NXPE1: variants seen among roughly 807,000 people sequenced by gnomAD.
NXPE1 encodes neurexophilin and PC-esterase domain family member 1, also known as NXPE family member 1.
Under a neutral mutation model 33.3 loss-of-function variants are expected in NXPE1, and 31 were observed. The observed-to-expected ratio is 0.93, with a 90% CI of 0.70 to 1.26. The LOEUF is 1.26. NXPE1 is among the 50% of genes most tolerant of loss of function. The pLI, the probability that NXPE1 is intolerant of heterozygous loss-of-function variation, is 0.00. For synonymous variants in NXPE1, 229 were observed against 231.4 expected, an observed-to-expected ratio of 0.99 and a Z score of 0.09; for missense variants, 661 against 655.6, an observed-to-expected ratio of 1.01 and a Z score of -0.09.
rs780369388 is a variant in NXPE1 at position 114,530,607 on chromosome 11, T to C, written c.401A>G (p.Tyr134Cys). 9.3e-6 allele frequency: 15 copies of C among 1,614,124 alleles called. No individual in the cohort carries two copies. The East Asian group carries it at 3.3e-4, about 36-fold the overall frequency. The change falls in exon 6 of 9, where the codon TAT (tyrosine) becomes TGT (cysteine). Residue 134 changes from tyrosine to cysteine, a missense_variant. Coordinates refer to ENST00000534921, the Ensembl canonical transcript of NXPE1. ...CCTGGCCCTCAGGAAATCCCCACCA[T>C]ATTGCTTCCTCTGTCCCAAGTGGTC...
At chr11:114,540,759 AG>A (rs1358736804) in intron 5 of NXPE1, among the ~76,000 whole-genome samples, 1 of 143,740 alleles carries the variant, frequency 7.0e-6, no homozygotes, top group African/African-American at 2.5e-5. Context: ...CATTAAGAGG[AG>A]GTAAGTTTCC....
chr11:114,538,842 T>C lies in NXPE1; in HGVS notation c.100-7934A>G, dbSNP rs542709480. On this transcript the variant is annotated intron_variant, in intron 5 of 8. Transcript: ENST00000534921. ...CACTTTTACATTGTTGGTGGGACTGTAAACTAGTTCAACCATTGTGGAAGT... is the reference window on the plus strand; with the variant it reads ...CACTTTTACATTGTTGGTGGGACTGCAAACTAGTTCAACCATTGTGGAAGT... 9.7e-3 allele frequency among the ~76,000 whole-genome samples: 1,476 copies of C among 152,236 alleles called. 28 individuals are homozygous for C. The highest frequency in any genetic ancestry group is 0.034 in the African/African-American group (1,400 of 41,524).
At chr11:114,546,371 A>G (rs1442789690) in intron 5 of NXPE1, among the ~76,000 whole-genome samples, 2 of 152,178 alleles carry the variant, frequency 1.3e-5, no homozygotes, top group Non-Finnish European at 2.9e-5. Context: ...GTATGAGCCC[A>G]TGTTTAGCTT....
At chr11:114,554,227 C>G (rs1483664425) in intron 1 of NXPE1, 12 of 978,400 alleles carry the variant, frequency 1.2e-5, no homozygotes, top group Non-Finnish European at 1.5e-5. Flanking sequence ...AGCCGAGATA[C>G]ACAACCTTTC....
At position 114,535,038 on chromosome 11, in the gene NXPE1, C is replaced by T. The variant is rs1947748312; in HGVS notation, c.100-4130G>A. Among the ~76,000 whole-genome samples the T allele has an allele frequency of 2.0e-5, 3 of 152,254 alleles. No individual in the cohort carries two copies. In the South Asian group the frequency reaches 6.2e-4, roughly 32 times the overall value. On this transcript the variant is annotated intron_variant, in intron 5 of 8. Coordinates refer to ENST00000534921, the Ensembl canonical transcript of NXPE1. ...GTTAAGGGCAGCCAGAGAGAAAGGT[C>T]GGGTTACCCACAAAGGGAAGCCCAT...
At chr11:114,539,650 G>C (rs1196951741) in intron 5 of NXPE1, among the ~76,000 whole-genome samples, 1 of 152,030 alleles carries the variant, frequency 6.6e-6, no homozygotes, top group Non-Finnish European at 1.5e-5. Flanking sequence ...GATGGAATCT[G>C]ATTAACTAAT....
At chr11:114,519,396 G>A (rs1947155993), downstream of NXPE1, among the ~76,000 whole-genome samples, 5 of 151,996 alleles carry the variant, frequency 3.3e-5, no homozygotes, top group Admixed American at 3.3e-4. Flanking sequence ...CTAAAGAGAT[G>A]GTAAATGTTT....
At chr11:114,536,933 A>G (rs1038858777) in intron 5 of NXPE1, among the ~76,000 whole-genome samples, 144 of 152,316 alleles carry the variant, frequency 9.5e-4, no homozygotes, top group African/African-American at 3.2e-3. Flanking sequence ...CATTTTATGA[A>G]GCCAGCATCA....
chr11:114,530,798 T>A (rs1327919170), exon 6 of NXPE1: 1 of 1,614,220 alleles, frequency 6.2e-7, no homozygotes, highest in Admixed American at 1.7e-5. Context: ...TTATTCTGAG[T>A]TCAGTCTCTG....
intron 5 of NXPE1, among the ~76,000 whole-genome samples, chr11:114,531,236 AATAT>A (rs1372391636): frequency 6.6e-6 from 1 of 152,188 alleles, no homozygotes; most frequent in Non-Finnish European, 1.5e-5. Context: ...TTCAATCCAA[AATAT>A]ATAGCTCAGA....
At chr11:114,557,674 A>AT (rs1565320805) in intron 1 of NXPE1, among the ~76,000 whole-genome samples, 16 of 129,372 alleles carry the variant, frequency 1.2e-4, no homozygotes, top group African/African-American at 4.2e-4. Context: ...TATATATATA[A>AT]AATCCTTGTT....
In NXPE1 at chr11:114,551,224, A is replaced by T. The variant is rs1440975955; in HGVS notation, c.-10-13T>A. The T allele has an allele frequency of 4.7e-6, 7 of 1,485,900 alleles. No individual in the cohort carries two copies. Among genetic ancestry groups the T allele is most frequent in the Non-Finnish European group, 6.4e-6 (7 of 1,101,790 alleles). The allele number at this position is 1,485,900 out of a possible 1,614,324, so 92.0% of individuals were successfully genotyped here. Reference sequence around the variant, plus strand: ...CATGACGAATGTCCTAGGAGAGATGACACAAGAGAGGAGTCGTGAGAAGTG... The same window carrying T: ...CATGACGAATGTCCTAGGAGAGATGTCACAAGAGAGGAGTCGTGAGAAGTG... On this transcript the variant is annotated splice_polypyrimidine_tract_variant and intron_variant, in intron 4 of 8. Transcript: ENST00000534921.
rs780754796 is a variant in NXPE1 at position 114,530,309 on chromosome 11, A to G, written c.699T>C (p.Tyr233=). ...AGGCTTCTTGGTCTCTGTCATCCAG[A>G]TATTCACAGAGTTCAGCATTTGAGT... Residue 233 remains tyrosine (Y), a synonymous_variant, in exon 6 of 9, where the codon TAT becomes TAC. Coordinates refer to ENST00000534921, the Ensembl canonical transcript of NXPE1. 1.7e-5 allele frequency: 27 copies of G among 1,614,242 alleles called. No homozygotes were observed. In the South Asian group the frequency reaches 2.6e-4, roughly 16 times the overall value.
intron 5 of NXPE1, among the ~76,000 whole-genome samples, chr11:114,548,230 G>T (rs1948346734): frequency 6.6e-6 from 1 of 152,058 alleles, no homozygotes; most frequent in Non-Finnish European, 1.5e-5. Context: ...TTCACTTTAA[G>T]GATAGCCACA....
chr11:114,535,784 A>T (rs890345044), intron 5 of NXPE1, among the ~76,000 whole-genome samples: 6 of 152,218 alleles, frequency 3.9e-5, no homozygotes, highest in Non-Finnish European at 8.8e-5. Context: ...TCATAAAGCA[A>T]GTCCTTAGTG....
chr11:114,553,412 T>C (rs1266415201), intron 1 of NXPE1, among the ~76,000 whole-genome samples: 1 of 152,214 alleles, frequency 6.6e-6, no homozygotes, highest in Non-Finnish European at 1.5e-5. Context: ...TTCATATCCC[T>C]GGTCTGATAT....
rs530217888 is a variant in NXPE1 at position 114,547,684 on chromosome 11, G to A, written c.99+3419C>T. ...TAGGAGGCAGAGGTTGCAGTGAGCC[G>A]AGATGGCACTACTGCACTCCAGCCT... is the stretch of plus-strand genomic sequence containing the variant. On this transcript the variant is annotated intron_variant, in intron 5 of 8. Coordinates refer to ENST00000534921, the Ensembl canonical transcript of NXPE1. Among the ~76,000 whole-genome samples the A allele has an allele frequency of 9.9e-5, 15 of 152,272 alleles. No homozygotes were observed. The South Asian group carries it at 2.5e-3, about 25-fold the overall frequency.
exon 9 of NXPE1, chr11:114,522,361 A>T: frequency 6.2e-7 from 1 of 1,614,144 alleles, no homozygotes. Context: ...GAGGGATATA[A>T]TCATGATCTA....
intron 5 of NXPE1, among the ~76,000 whole-genome samples, chr11:114,541,741 G>A (rs559559847): frequency 6.6e-6 from 1 of 152,278 alleles, no homozygotes; most frequent in East Asian, 1.9e-4. Flanking sequence ...TTTGTATAAA[G>A]ACCTGAGATT....
Sources: gnomAD v4.1 joint callset for allele counts (sites outside exome capture counted in the v4.1 genomes callset) on GRCh38, gnomAD v4.1.1 for gene constraint, MANE v1.5 for transcripts, NCBI Gene and HGNC (gene_info 2026-07-23, HGNC 2026-07-21) for gene names.